The following NOS1 variants were observed in gnomAD, a reference collection of about 807,000 sequenced individuals.
NOS1 encodes nitric oxide synthase 1.
NOS1 carries 51 observed loss-of-function variants against 164.5 expected under a neutral mutation model. The ratio of observed to expected loss-of-function variants is 0.31; its 90% CI spans 0.25 to 0.39. The LOEUF (loss-of-function observed/expected upper bound fraction) is 0.39. NOS1 is among the 10% of genes least tolerant of loss of function. NOS1 has a pLI of 1.00. For synonymous variants in NOS1, 719 were observed against 745.8 expected, an observed-to-expected ratio of 0.96 and a Z score of 0.59; for missense variants, 1,362 against 1,885.6, an observed-to-expected ratio of 0.72 and a Z score of 5.14.
chr12:117,274,125 A>C (rs1182531994), intron 9 of NOS1, among the ~76,000 whole-genome samples: 1 of 152,080 alleles, frequency 6.6e-6, no homozygotes, highest in African/African-American at 2.4e-5. Flanking sequence ...AAAGCAAAAA[A>C]CCCAAACAAT....
At chr12:117,215,473 G>C (rs140557893) in intron 28 of NOS1, 149 bp from the exon 29 acceptor site, 19,441 of 1,107,862 alleles carry the variant, frequency 0.018, 269 homozygotes, top group South Asian at 0.056. Flanking sequence ...GTTTCGCTCT[G>C]TCACCCAGGC....
At chr12:117,288,434 T>C (rs1872848790) in intron 4 of NOS1, among the ~76,000 whole-genome samples, 1 of 152,200 alleles carries the variant, frequency 6.6e-6, no homozygotes, top group Non-Finnish European at 1.5e-5. Context: ...AAGTATTTGC[T>C]CTACTCATCT....
intron 11 of NOS1, among the ~76,000 whole-genome samples, chr12:117,266,518 CTTCT>C (rs1218665884): frequency 6.6e-6 from 1 of 151,248 alleles, no homozygotes; most frequent in East Asian, 1.9e-4. Context: ...TGTATAATGA[CTTCT>C]TTTAGGTTTT....
chr12:117,315,557 C>A (rs1248619436), intron 2 of NOS1, among the ~76,000 whole-genome samples: 1 of 152,102 alleles, frequency 6.6e-6, no homozygotes, highest in Non-Finnish European at 1.5e-5. Context: ...AGATTTAGTT[C>A]GATTCTCAGC....
At chr12:117,258,159 T>C (rs1871613006) in intron 16 of NOS1, among the ~76,000 whole-genome samples, 1 of 152,182 alleles carries the variant, frequency 6.6e-6, no homozygotes, top group Non-Finnish European at 1.5e-5. Context: ...AAAGTCAAGG[T>C]AGGTGCTATA....
intron 27 of NOS1, 87 bp downstream of exon 27, chr12:117,219,988 C>T: frequency 3.0e-6 from 4 of 1,328,704 alleles, no homozygotes; most frequent in Non-Finnish European, 4.2e-6. Context: ...CGTGGCTCCC[C>T]TAATCATCAA....
rs530003377 is a variant in NOS1 at position 117,232,281 on chromosome 12, C to G, written c.3236-150G>C. 4.8e-6 allele frequency: 3 copies of G among 630,178 alleles called. No homozygotes were observed. The African/African-American group carries it at 5.5e-5, about 12-fold the overall frequency. The allele number at this position is 630,178 out of a possible 1,614,324, so 39.0% of individuals were successfully genotyped here. A position where few individuals can be genotyped will look rare whatever the true frequency, so the allele number is the denominator to read the frequency against. On this transcript the variant is annotated intron_variant, in intron 21 of 28. Coordinates refer to ENST00000317775, the MANE Select transcript of NOS1 (RefSeq NM_000620.5). ...CCTTCTAGCTCTCCACCTTCCATGC[C>G]CAGAATCCAGGGGATTTCATGTGTG...
Position 117,311,585 on chromosome 12 carries a change from C to T in NOS1, c.733G>A (p.Asp245Asn). 1 of 1,610,630 alleles carries T rather than the reference C, an allele frequency of 6.2e-7. No homozygotes were observed. Among genetic ancestry groups the T allele is most frequent in the Non-Finnish European group, 8.5e-7 (1 of 1,178,166 alleles). Residue 245 changes from aspartate to asparagine, a missense_variant, in exon 3 of 29, where the codon GAC becomes AAC. Asp to Asn is a conservative substitution (Grantham distance 23). Transcript: ENST00000317775. ...GGCAGAGGTTTGTGTGACTTGCCGT[C>T]CAAATCTCTGAAAGGCAAGGTGGGG... ...DMGIQVDRDL[D>N]GKSHKPLPLG...
In NOS1 at chr12:117,212,912, C is replaced by A; in HGVS notation, c.*2397G>T. The A allele has an allele frequency of 5.1e-6, 5 of 985,388 alleles. No homozygotes were observed. Among genetic ancestry groups the A allele is most frequent in the Non-Finnish European group, 4.8e-6 (4 of 829,932 alleles). The allele number at this position is 985,388 out of a possible 1,614,324, so 61.0% of individuals were successfully genotyped here. ...GAAACACATCAGATCGCTCTCCTGC[C>A]TTCTAGCCTGGAGTTGTGAAGCAGC... is the stretch of plus-strand genomic sequence containing the variant. On this transcript the variant is annotated 3_prime_UTR_variant, in exon 29 of 29. Coordinates refer to ENST00000317775, the MANE Select transcript of NOS1 (RefSeq NM_000620.5).
At chr12:117,339,856 A>G (rs1172921377) in intron 1 of NOS1, among the ~76,000 whole-genome samples, 1 of 152,244 alleles carries the variant, frequency 6.6e-6, no homozygotes, top group Non-Finnish European at 1.5e-5. Context: ...GTTTCCACAT[A>G]AGCTTGGAGA....
chr12:117,278,228 C>T (rs1873342617), intron 8 of NOS1, 130 bp from the exon 9 acceptor site: 1 of 1,045,128 alleles, frequency 9.6e-7, no homozygotes, highest in Non-Finnish European at 1.3e-6. Flanking sequence ...CCTCTGGAGG[C>T]TCTTGGACCA....
intron 22 of NOS1, among the ~76,000 whole-genome samples, chr12:117,228,887 TTC>T (rs1868939208): frequency 6.6e-6 from 1 of 152,176 alleles, no homozygotes; most frequent in African/African-American, 2.4e-5. Context: ...GTTCACGCCA[TTC>T]TCCTGCCTCA....
chr12:117,304,495 G>C (rs907901971), intron 3 of NOS1, among the ~76,000 whole-genome samples: 3 of 152,128 alleles, frequency 2.0e-5, no homozygotes, highest in Non-Finnish European at 4.4e-5. Flanking sequence ...ACACACATCC[G>C]TGAGGGTCTC....
At chr12:117,337,288 T>C (rs1481645088) in intron 1 of NOS1, among the ~76,000 whole-genome samples, 1 of 151,974 alleles carries the variant, frequency 6.6e-6, no homozygotes, top group Non-Finnish European at 1.5e-5. Context: ...GCTAATTTTT[T>C]TGTATTTTTA....
intron 13 of NOS1, 95 bp from the exon 14 acceptor site, chr12:117,260,704 A>G: frequency 7.5e-7 from 1 of 1,340,216 alleles, no homozygotes; most frequent in South Asian, 1.4e-5. Context: ...GGATCCATGA[A>G]ATATAACAGA....
chr12:117,244,076 A>G (rs1054730667), intron 18 of NOS1, among the ~76,000 whole-genome samples: 3 of 152,374 alleles, frequency 2.0e-5, no homozygotes, highest in South Asian at 2.1e-4. Flanking sequence ...ACATTAAAGA[A>G]GAAAGTAAAC....
Position 117,267,909 on chromosome 12 carries a change from G to C in NOS1, c.1941+134C>G. 3 of 632,608 alleles carry C rather than the reference G, an allele frequency of 4.7e-6. No homozygotes were observed. The South Asian group carries it at 5.9e-5, about 12-fold the overall frequency. 39.2% of individuals were successfully genotyped at this position (632,608 alleles called of 1,614,324 possible). On this transcript the variant is annotated intron_variant, in intron 11 of 28. Coordinates refer to ENST00000317775, the MANE Select transcript of NOS1 (RefSeq NM_000620.5). ...AGGAGGGCATGCAGGATGGAAGCTA[G>C]ACCATACTCATGGACACAATCCCCG...
chr12:117,243,883 T>A lies in NOS1; in HGVS notation c.2824-448A>T, dbSNP rs1024070630. ...ATCTACCCACCCACCCACCTATCCA[T>A]CTATCTTTCCATGCAGGCATGCATC... On this transcript the variant is annotated intron_variant, in intron 18 of 28. Transcript: ENST00000317775. This position sits in a 1 kb window ranked among gnomAD's most constrained non-coding sequence, Gnocchi z 4.3. Among the ~76,000 whole-genome samples the A allele has an allele frequency of 6.6e-6, 1 of 151,556 alleles. No homozygotes were observed. Among genetic ancestry groups the A allele is most frequent in the African/African-American group, 2.4e-5 (1 of 41,322 alleles).
intron 10 of NOS1, among the ~76,000 whole-genome samples, chr12:117,270,309 T>C (rs2135995182): frequency 6.6e-6 from 1 of 152,094 alleles, no homozygotes; most frequent in Middle Eastern, 3.4e-3. Flanking sequence ...TTGTACATAA[T>C]GACAGGTGGA....
Sources: gnomAD v4.1 joint callset for allele counts (sites outside exome capture counted in the v4.1 genomes callset) on GRCh38, gnomAD v4.1.1 for gene constraint, Gnocchi (gnomAD v3.1) non-coding constraint, MANE v1.5 for transcripts, NCBI Gene and HGNC (gene_info 2026-07-23, HGNC 2026-07-21) for gene names.